The following TECPR1 variants were observed in gnomAD, a reference collection of about 807,000 sequenced individuals.
TECPR1 encodes tectonin beta-propeller repeat containing 1, also known as tectonin beta-propeller repeat-containing protein 1.
A neutral mutation model predicts 162.4 loss-of-function variants in TECPR1; 122 were observed. The ratio of observed to expected loss-of-function variants is 0.75; its 90% CI spans 0.65 to 0.87. The LOEUF (loss-of-function observed/expected upper bound fraction) is 0.87. TECPR1 is among the 40% of genes least tolerant of loss of function. TECPR1 has a pLI of 0.00. For missense variants in TECPR1, 1,432 were observed against 1,618.2 expected (o/e 0.88, Z 1.97); for synonymous variants, 642 against 670.6 (o/e 0.96, Z 0.66).
intron 16 of TECPR1, chr7:98,228,811 G>C: frequency 2.0e-6 from 1 of 510,778 alleles, no homozygotes; most frequent in Non-Finnish European, 3.4e-6. Flanking sequence ...CATGCTGGTG[G>C]ACCCTGGCCG....
In TECPR1 at chr7:98,216,666, C is replaced by T. The variant is rs563262786; in HGVS notation, c.*724G>A. 2.0e-5 allele frequency: 3 copies of T among 150,550 alleles called. No homozygotes were observed. In the South Asian group the frequency reaches 6.3e-4, roughly 32 times the overall value. The allele number at this position is 150,550 out of a possible 1,614,324, so 9.3% of individuals were successfully genotyped here. A position where few individuals can be genotyped will look rare whatever the true frequency, so the allele number is the denominator to read the frequency against. ...CCGCCTCCCGGGTTCAAACGATTCT[C>T]CTGCCTCAGCCTCCCGAGTAGCTGG... On this transcript the variant is annotated 3_prime_UTR_variant, in exon 26 of 26. Transcript: ENST00000447648.
chr7:98,231,680 TCCCTCCCTGGGCACCCTCATTTCTGTAC>T (rs1798444754), intron 13 of TECPR1, 96 bp downstream of exon 13: 1 of 1,070,676 alleles, frequency 9.3e-7, no homozygotes, highest in East Asian at 3.2e-5. Context: ...CATTTCTGTG[TCCCTCCCTGGGCACCCTCATTTCTGTAC>T]CCCTCCCCTG....
intron 9 of TECPR1, among the ~76,000 whole-genome samples, chr7:98,238,035 G>C (rs978665169): frequency 6.6e-6 from 1 of 151,934 alleles, no homozygotes; most frequent in African/African-American, 2.4e-5. Context: ...GCCTCCTAAA[G>C]TGCTGGGATT....
intron 17 of TECPR1, among the ~76,000 whole-genome samples, chr7:98,227,763 A>G (rs1390009573): frequency 6.8e-6 from 1 of 147,652 alleles, no homozygotes; most frequent in Non-Finnish European, 1.5e-5. Context: ...CGGAGGTTGC[A>G]GTAAGCTGAG....
In TECPR1 at chr7:98,233,497, C is replaced by T. The variant is rs758468574; in HGVS notation, c.1596G>A (p.Pro532=). 12 of 1,510,742 alleles carry T rather than the reference C, an allele frequency of 7.9e-6. No homozygotes were observed. The highest frequency in any genetic ancestry group is 2.4e-5 in the Admixed American group (1 of 41,414). 93.6% of individuals were successfully genotyped at this position (1,510,742 alleles called of 1,614,324 possible). A position where few individuals can be genotyped will look rare whatever the true frequency, so the allele number is the denominator to read the frequency against. ...CGCCTCCCGACACCCAGGCCCACAG[C>T]GGGTGGTCATCCACCCCATACGGCT... ...LEEPYGVDDH[P]LWAWVSGGGC... The change falls in exon 11 of 26, where the codon CCG becomes CCA. Residue 532 remains proline, a synonymous_variant. Transcript: ENST00000447648.
Position 98,225,120 on chromosome 7 carries a change from GGC to G in TECPR1, c.2514-20_2514-19del. 3 of 1,556,250 alleles carry G rather than the reference GGC, an allele frequency of 1.9e-6. No homozygotes were observed. In the Admixed American group the frequency reaches 5.7e-5, roughly 30 times the overall value. On this transcript the variant is annotated intron_variant, in intron 17 of 25. Transcript: ENST00000447648. ...GCAGACCCCTGCGGCAGGACAACAGGGCAGGTGACGAGGGAGACTGGGGAATG... is the reference window on the plus strand; with the variant it reads ...GCAGACCCCTGCGGCAGGACAACAGGAGGTGACGAGGGAGACTGGGGAATG...
At chr7:98,218,102 C>A (rs566755856) in intron 23 of TECPR1, 60 bp from the exon 24 acceptor site, 2 of 1,407,858 alleles carry the variant, frequency 1.4e-6, no homozygotes, top group Non-Finnish European at 9.7e-7. Flanking sequence ...CCTGCCCGTG[C>A]GGCCCGGCAG....
intron 8 of TECPR1, among the ~76,000 whole-genome samples, 167 bp from the exon 9 acceptor site, chr7:98,238,777 C>T (rs569423144): frequency 2.6e-5 from 4 of 152,302 alleles, no homozygotes; most frequent in Admixed American, 6.5e-5. Flanking sequence ...TGATCCACGC[C>T]GCTCTTCCCA....
rs1798030585 is a variant in TECPR1 at position 98,217,126 on chromosome 7, C to CA, written c.*263_*264insT. The CA allele has an allele frequency of 2.4e-6, 1 of 411,858 alleles. No homozygotes were observed. The highest frequency in any genetic ancestry group is 2.1e-5 in the African/African-American group (1 of 48,378). 25.5% of individuals were successfully genotyped at this position (411,858 alleles called of 1,614,324 possible). ...GAGGGGAAGGGAAGGGTGGGAGGGGCCTCTGGGAGGTGCAGCCCCACCCCA... is the reference window on the plus strand; with the variant it reads ...GAGGGGAAGGGAAGGGTGGGAGGGGCACTCTGGGAGGTGCAGCCCCACCCCA... On this transcript the variant is annotated 3_prime_UTR_variant, in exon 26 of 26. Transcript: ENST00000447648.
intron 6 of TECPR1, 106 bp downstream of exon 6, chr7:98,243,361 G>A (rs112300648): frequency 1.4e-6 from 2 of 1,459,896 alleles, no homozygotes; most frequent in Non-Finnish European, 9.2e-7. Flanking sequence ...CATGGGGTGG[G>A]GGGGCCGGGG....
rs1367082232 is a variant in TECPR1 at position 98,217,157 on chromosome 7, C to G, written c.*233G>C. 10 of 485,676 alleles carry G rather than the reference C, an allele frequency of 2.1e-5. No homozygotes were observed. Among genetic ancestry groups the G allele is most frequent in the Non-Finnish European group, 3.6e-5 (10 of 274,708 alleles). 30.1% of individuals were successfully genotyped at this position (485,676 alleles called of 1,614,324 possible). A position where few individuals can be genotyped will look rare whatever the true frequency, so the allele number is the denominator to read the frequency against. On this transcript the variant is annotated 3_prime_UTR_variant, in exon 26 of 26. Transcript: ENST00000447648. ...GGAGGTGCAGCCCCACCCCATGCCC[C>G]ACACCCCGGGACTCCTCGCAGACGG...
intron 20 of TECPR1, among the ~76,000 whole-genome samples, 189 bp from the exon 21 acceptor site, chr7:98,223,359 G>A (rs1399175316): frequency 8.6e-5 from 3 of 34,740 alleles, no homozygotes; most frequent in Admixed American, 3.9e-4. Flanking sequence ...CCCACCCCCA[G>A]CCCCAGCCAG....
At position 98,228,222 on chromosome 7, in the gene TECPR1, G is replaced by A. The variant is rs1270516408; in HGVS notation, c.2411-106C>T. 6 of 887,974 alleles carry A rather than the reference G, an allele frequency of 6.8e-6. No individual in the cohort carries two copies. In the East Asian group the frequency reaches 1.6e-4, roughly 23 times the overall value. The allele number at this position is 887,974 out of a possible 1,614,324, so 55.0% of individuals were successfully genotyped here. On this transcript the variant is annotated intron_variant, in intron 16 of 25. Coordinates refer to ENST00000447648, the MANE Select transcript of TECPR1 (RefSeq NM_015395.3). Reference sequence around the variant, plus strand: ...CCCAGAGAGACGGGGAGGGCGGGCTGGAGCCAGGTCAGCGGAGAGGAGCAA... The same window carrying A: ...CCCAGAGAGACGGGGAGGGCGGGCTAGAGCCAGGTCAGCGGAGAGGAGCAA...
At chr7:98,229,959 C>G (rs1322024098) in intron 15 of TECPR1, among the ~76,000 whole-genome samples, 1 of 48,030 alleles carries the variant, frequency 2.1e-5, no homozygotes, top group Non-Finnish European at 4.1e-5. Context: ...AGCTCAGATC[C>G]CCCCCCCAGG....
Position 98,238,600 on chromosome 7 carries a change from C to T in TECPR1, c.944G>A (p.Arg315Gln), listed in dbSNP as rs552393733. 3.2e-6 allele frequency: 5 copies of T among 1,565,888 alleles called. No individual in the cohort carries two copies. The highest frequency in any genetic ancestry group is 2.4e-5 in the East Asian group (1 of 42,244). Reference protein sequence around the residue: ...AVTKDWKVWFRRGVNSHNPCG... With the variant: ...AVTKDWKVWFQRGVNSHNPCG... ...GGGATTGTGAGAGTTGACGCCTCTT[C>T]GGAACCACACCTGGGGGAGTCAGAA... Residue 315 changes from arginine (R) to glutamine (Q), a missense_variant, in exon 9 of 26, where the codon CGA becomes CAA. Arg to Gln is a conservative substitution (Grantham distance 43, BLOSUM62 1). Transcript: ENST00000447648.
In TECPR1 at chr7:98,233,846, G is replaced by C; in HGVS notation, c.1247C>G (p.Ala416Gly). ...SGESAPSDTD[A>G]SSEVERPGPG... ...CCCTGGTCTCTCGACTTCCGAGGAG[G>C]CATCGGTGTCGCTGGGGGCAGACTC... Residue 416 changes from alanine to glycine, a missense_variant, in exon 11 of 26, where the codon GCC becomes GGC. Coordinates refer to ENST00000447648, the MANE Select transcript of TECPR1 (RefSeq NM_015395.3). The C allele has an allele frequency of 6.3e-7, 1 of 1,579,312 alleles. No homozygotes were observed. The highest frequency in any genetic ancestry group is 8.6e-7 in the Non-Finnish European group (1 of 1,162,860).
chr7:98,242,008 T>A (rs1798762207), intron 6 of TECPR1, among the ~76,000 whole-genome samples: 1 of 152,122 alleles, frequency 6.6e-6, no homozygotes, highest in Admixed American at 6.5e-5. Context: ...TGTTCTCCCC[T>A]CTCTCTCTTT....
At chr7:98,225,164 C>T in intron 17 of TECPR1, 62 bp from the exon 18 acceptor site, 1 of 1,448,484 alleles carries the variant, frequency 6.9e-7, no homozygotes, top group Non-Finnish European at 9.4e-7. Flanking sequence ...CTCACTCAGA[C>T]ACCCCCATAA....
rs539869123 is a variant in TECPR1, at chr7:98,228,184, T to G, written c.2411-68A>C. On this transcript the variant is annotated intron_variant, in intron 16 of 25. Coordinates refer to ENST00000447648, the MANE Select transcript of TECPR1 (RefSeq NM_015395.3). ...CCGCTTGGGACTCTGGCTTTCCGTC[T>G]GAAGCACAGATTCCCAGAGAGACGG... is the stretch of plus-strand genomic sequence containing the variant. The G allele has an allele frequency of 4.9e-5, 61 of 1,241,658 alleles. No individual in the cohort carries two copies. In the African/African-American group the frequency reaches 6.5e-4, roughly 13 times the overall value. 76.9% of individuals were successfully genotyped at this position (1,241,658 alleles called of 1,614,324 possible). A position where few individuals can be genotyped will look rare whatever the true frequency, so the allele number is the denominator to read the frequency against.
Sources: gnomAD v4.1 joint callset for allele counts (sites outside exome capture counted in the v4.1 genomes callset) on GRCh38, gnomAD v4.1.1 for gene constraint, MANE v1.5 for transcripts, NCBI Gene and HGNC (gene_info 2026-07-23, HGNC 2026-07-21) for gene names.